PIEZO1: variants seen among roughly 807,000 people sequenced by gnomAD.
The protein encoded by PIEZO1 is piezo type mechanosensitive ion channel component 1 (Er blood group), also known as piezo-type mechanosensitive ion channel component 1.
PIEZO1 carries 296 observed loss-of-function variants against 297.2 expected under a neutral mutation model. That is an observed-to-expected ratio of 1.00 (90% CI 0.91 to 1.10). The LOEUF (loss-of-function observed/expected upper bound fraction) is 1.10. Among genes scored for constraint, PIEZO1 ranks in the 50% least tolerant of loss-of-function variants. The pLI, the probability that PIEZO1 is intolerant of heterozygous loss-of-function variation, is 0.00. For missense variants in PIEZO1, 5,018 were observed against 3,455.5 expected (o/e 1.45, Z -11.34); for synonymous variants, 2,427 against 1,507.5 (o/e 1.61, Z -14.13).
intron 1 of PIEZO1, among the ~76,000 whole-genome samples, chr16:88,757,330 G>GGGGGGGGGGGGGGGT (rs1906722430): frequency 8.3e-6 from 1 of 121,100 alleles, no homozygotes; most frequent in Non-Finnish European, 1.7e-5. Flanking sequence ...GGGGGGGTGG[G>GGGGGGGGGGGGGGGT]GGGTAGTTAC....
rs1256971203 is a variant in PIEZO1, at chr16:88,727,203, C to G, written c.3302-11G>C. On this transcript the variant is annotated splice_polypyrimidine_tract_variant and intron_variant, in intron 23 of 50. Coordinates refer to ENST00000301015, the MANE Select transcript of PIEZO1 (RefSeq NM_001142864.4). ...GCAGGAGAAAGTCGCCTGCAGGACACAGGAGCCGCCGCTGTGCCACACGGG... is the reference window on the plus strand; with the variant it reads ...GCAGGAGAAAGTCGCCTGCAGGACAGAGGAGCCGCCGCTGTGCCACACGGG... 2 of 1,525,320 alleles carry G rather than the reference C, an allele frequency of 1.3e-6. No individual in the cohort carries two copies. Among genetic ancestry groups the G allele is most frequent in the African/African-American group, 2.8e-5 (2 of 72,436 alleles). 94.5% of individuals were successfully genotyped at this position (1,525,320 alleles called of 1,614,324 possible).
In PIEZO1 at chr16:88,743,511, C is replaced by G; in HGVS notation, c.161-1089G>C. 1.8e-5 allele frequency: 8 copies of G among 455,924 alleles called. 1 individual carries two copies. The highest frequency in any genetic ancestry group is 4.0e-5 in the African/African-American group (2 of 50,198). The allele number at this position is 455,924 out of a possible 1,614,324, so 28.2% of individuals were successfully genotyped here. A position where few individuals can be genotyped will look rare whatever the true frequency, so the allele number is the denominator to read the frequency against. Reference sequence around the variant, plus strand: ...GACAGGTAGCATCTGGGTCTGGGTCCAAGGTGGTGAATGTCACCACCACAT... The same window carrying G: ...GACAGGTAGCATCTGGGTCTGGGTCGAAGGTGGTGAATGTCACCACCACAT... On this transcript the variant is annotated intron_variant, in intron 2 of 50. Transcript: ENST00000301015.
In PIEZO1 at chr16:88,725,183, C is replaced by T. The variant is rs1395421727; in HGVS notation, c.4163-103G>A. 2.9e-5 allele frequency: 24 copies of T among 828,818 alleles called. No individual in the cohort carries two copies. The South Asian group carries it at 3.3e-4, about 11-fold the overall frequency. 51.3% of individuals were successfully genotyped at this position (828,818 alleles called of 1,614,324 possible). A position where few individuals can be genotyped will look rare whatever the true frequency, so the allele number is the denominator to read the frequency against. ...GAGACAGGATAGGTGGAGACAGACA[C>T]GGACACCCACAGTGACGGGGGCCGT... is the stretch of plus-strand genomic sequence containing the variant. On this transcript the variant is annotated intron_variant, in intron 29 of 50. Transcript: ENST00000301015.
Position 88,722,081 on chromosome 16 carries a change from G to C in PIEZO1, c.4956-15C>G, listed in dbSNP as rs373306779. The C allele has an allele frequency of 1.3e-6, 2 of 1,540,570 alleles. No homozygotes were observed. Among genetic ancestry groups the C allele is most frequent in the South Asian group, 2.4e-5 (2 of 83,628 alleles). On this transcript the variant is annotated splice_polypyrimidine_tract_variant and intron_variant, in intron 36 of 50. Transcript: ENST00000301015. ...TGCGCAGGCGCCTACAGGGAGACCC[G>C]CGTGTTTGGGGGAGTCTGGGACTGC...
chr16:88,780,929 C>A (rs1216236924), intron 1 of PIEZO1, among the ~76,000 whole-genome samples: 2 of 152,346 alleles, frequency 1.3e-5, no homozygotes, highest in East Asian at 3.9e-4. Flanking sequence ...TACACTCCAG[C>A]CTGGGCGACA....
chr16:88,721,679 C>G lies in PIEZO1; in HGVS notation c.5262G>C (p.Trp1754Cys). The part of the protein sequence containing the change: ...KYLFQFGFFP[W>C]NSHVVLRRYE... ...AGCGCCGCAGCACCACGTGGCTGTT[C>G]CAGGGGAAGAACCCAAACTGGAACA... The change falls in exon 38 of 51, where the codon TGG (tryptophan) becomes TGC (cysteine). Residue 1754 changes from tryptophan (W) to cysteine (C), a missense_variant. Transcript: ENST00000301015. 3 of 1,549,718 alleles carry G rather than the reference C, an allele frequency of 1.9e-6. No homozygotes were observed. The highest frequency in any genetic ancestry group is 2.6e-6 in the Non-Finnish European group (3 of 1,146,746).
chr16:88,742,225 G>A, intron 3 of PIEZO1, 75 bp downstream of exon 3: 2 of 1,495,750 alleles, frequency 1.3e-6, no homozygotes, highest in Non-Finnish European at 1.8e-6. Context: ...CCCCCCAGGA[G>A]ACTCGGGGTC....
intron 12 of PIEZO1, among the ~76,000 whole-genome samples, chr16:88,735,661 C>A (rs1019355812): frequency 2.6e-5 from 4 of 152,266 alleles, no homozygotes; most frequent in African/African-American, 4.8e-5. Context: ...GACCCACTGG[C>A]CTGCAAACAG....
chr16:88,728,462 C>A (rs1230524212), intron 22 of PIEZO1, among the ~76,000 whole-genome samples: 1 of 145,138 alleles, frequency 6.9e-6, no homozygotes, highest in African/African-American at 2.6e-5. Context: ...GGGAACCTCG[C>A]GACCCAAAAG....
chr16:88,759,533 G>A (rs557058540), intron 1 of PIEZO1, among the ~76,000 whole-genome samples: 29 of 152,354 alleles, frequency 1.9e-4, no homozygotes, highest in African/African-American at 6.5e-4. Flanking sequence ...GACGGTGGGC[G>A]GGGCCGGGCA....
chr16:88,770,099 C>T (rs1303558969), intron 1 of PIEZO1, among the ~76,000 whole-genome samples: 1 of 152,182 alleles, frequency 6.6e-6, no homozygotes, highest in Non-Finnish European at 1.5e-5. Context: ...GGGTGTTCTC[C>T]CTGCCCACAC....
At chr16:88,719,504 C>T in intron 44 of PIEZO1, 70 bp downstream of exon 44, 1 of 1,424,560 alleles carries the variant, frequency 7.0e-7, no homozygotes, top group Non-Finnish European at 9.6e-7. Context: ...CTCGTGGCAG[C>T]AGTGCCTCTG....
At position 88,715,670 on chromosome 16, in the gene PIEZO1, C is replaced by T. The variant is rs922432809; in HGVS notation, c.7501G>A (p.Ala2501Thr). Residue 2501 changes from alanine (A) to threonine (T), a missense_variant, in exon 51 of 51, where the codon GCC (alanine) becomes ACC (threonine). Transcript: ENST00000301015. ...RELELEEELY[A>T]KLIFLYRSPE... ...GAGCGGTAGAGGAAGATGAGCTTGG[C>T]GTACAACTCCTCCTCCAGCTCCAGC... 6.6e-5 allele frequency: 103 copies of T among 1,550,196 alleles called. No homozygotes were observed. Among genetic ancestry groups the T allele is most frequent in the Non-Finnish European group, 8.0e-5 (92 of 1,146,940 alleles).
At chr16:88,778,633 G>C (rs1271447515) in intron 1 of PIEZO1, among the ~76,000 whole-genome samples, 1 of 152,212 alleles carries the variant, frequency 6.6e-6, no homozygotes, top group East Asian at 1.9e-4. Context: ...CGGCACCCGG[G>C]ACGGTCAGCG....
In PIEZO1 at chr16:88,732,470, G is replaced by T; in HGVS notation, c.2856C>A (p.Tyr952Ter). The T allele has an allele frequency of 1.3e-6, 2 of 1,549,358 alleles. No homozygotes were observed. Among genetic ancestry groups the T allele is most frequent in the Non-Finnish European group, 1.7e-6 (2 of 1,146,280 alleles). Reference sequence around the variant, plus strand: ...GCGGGGCCAGCTGGTGCTGCCGGCGGTAGTGCTCCTGGCGCCGGTACACGA... The same window carrying T: ...GCGGGGCCAGCTGGTGCTGCCGGCGTTAGTGCTCCTGGCGCCGGTACACGA... ...EAIVYRRQEHYRRQHQLAPLP... is the reference protein window; with the variant it reads ...EAIVYRRQEH The change falls in exon 21 of 51, where the codon TAC becomes TAA. Residue 952 changes from tyrosine (Y) to a stop codon, truncating the protein, a stop_gained. Coordinates refer to ENST00000301015, the MANE Select transcript of PIEZO1 (RefSeq NM_001142864.4). LOFTEE classifies it high-confidence loss of function.
intron 49 of PIEZO1, 38 bp from the exon 50 acceptor site, chr16:88,716,157 AC>A: frequency 6.6e-7 from 1 of 1,521,786 alleles, no homozygotes; most frequent in Non-Finnish European, 8.9e-7. Context: ...GCCGCAGGTC[AC>A]CCCTCTCTAG....
chr16:88,741,575 G>A lies in PIEZO1; in HGVS notation c.368C>T (p.Ala123Val). The A allele has an allele frequency of 6.5e-7, 1 of 1,535,622 alleles. No homozygotes were observed. Among genetic ancestry groups the A allele is most frequent in the Non-Finnish European group, 8.7e-7 (1 of 1,146,746 alleles). Residue 123 changes from alanine (A) to valine (V), a missense_variant, in exon 5 of 51, where the codon GCC (alanine) becomes GTC (valine). Coordinates refer to ENST00000301015, the MANE Select transcript of PIEZO1 (RefSeq NM_001142864.4). The part of the protein sequence containing the change: ...KDIPNAIRLV[A>V]PDLGILVVSS... ...GACCACCAAGATGCCCAGGTCAGGG[G>A]CCACCAGCCGGATGGCGTTGGGGAT...
At chr16:88,777,273 CCTG>C (rs1337025035) in intron 1 of PIEZO1, among the ~76,000 whole-genome samples, 1 of 152,196 alleles carries the variant, frequency 6.6e-6, no homozygotes. Context: ...GCCCGGAGGA[CCTG>C]CTCTTTTAGG....
At chr16:88,724,074 G>A (rs1025519935) in intron 30 of PIEZO1, 103 bp from the exon 31 acceptor site, 23 of 708,152 alleles carry the variant, frequency 3.2e-5, no homozygotes, top group Non-Finnish European at 5.2e-5. Context: ...CCCTTCCCAT[G>A]CGGAGTAGCC....
Sources: gnomAD v4.1 joint callset for allele counts (sites outside exome capture counted in the v4.1 genomes callset) on GRCh38, gnomAD v4.1.1 for gene constraint, MANE v1.5 for transcripts, NCBI Gene and HGNC (gene_info 2026-07-23, HGNC 2026-07-21) for gene names.